TUBB8B: variants seen among roughly 807,000 people sequenced by gnomAD.
TUBB8B encodes the protein tubulin beta 8B.
TUBB8B carries 26 observed loss-of-function variants against 31.9 expected under a neutral mutation model. The ratio of observed to expected loss-of-function variants is 0.81; its 90% CI spans 0.60 to 1.13. The LOEUF is 1.13. Among genes scored for constraint, TUBB8B ranks in the 50% most tolerant of loss-of-function variants. The probability of loss-of-function intolerance (pLI) is 0.00; values close to 1 mark genes in which losing one functional copy is unlikely to be tolerated. For missense variants in TUBB8B, 467 were observed against 586.7 expected, an observed-to-expected ratio of 0.80 and a Z score of 2.11; for synonymous variants, 173 against 231.0, an observed-to-expected ratio of 0.75 and a Z score of 2.28.
the TUBB8B span, among the ~76,000 whole-genome samples, chr18:64,174 T>A: frequency 6.6e-6 from 1 of 151,906 alleles, no homozygotes; most frequent in Non-Finnish European, 1.5e-5. Context: ...ACCCCAACCC[T>A]AAATCAAACT....
the TUBB8B span, chr18:73,228 G>A: frequency 6.4e-6 from 1 of 155,656 alleles, no homozygotes; most frequent in Non-Finnish European, 1.5e-5. Flanking sequence ...ACAAAGTGAA[G>A]CCCAGGTACA....
At chr18:54,880 C>A in the TUBB8B span, among the ~76,000 whole-genome samples, 46 of 151,930 alleles carry the variant, frequency 3.0e-4, 1 homozygote, top group Non-Finnish European at 7.4e-5. Context: ...GAAATGATAT[C>A]TCATTTTGGG....
the TUBB8B span, among the ~76,000 whole-genome samples, chr18:59,772 G>A: frequency 6.6e-6 from 1 of 151,572 alleles, no homozygotes; most frequent in South Asian, 2.1e-4. Context: ...TTGAACTCCT[G>A]AACTCAGGAG....
chr18:56,880 A>T, the TUBB8B span, among the ~76,000 whole-genome samples: 1 of 151,890 alleles, frequency 6.6e-6, no homozygotes, highest in African/African-American at 2.4e-5. Context: ...AAGGTGAAAA[A>T]TAAATCTGGT....
Position 47,412 on chromosome 18 carries a change from T to C in TUBB8B, c.1313A>G (p.Tyr438Cys), listed in dbSNP as rs761646858. 3 of 1,162,562 alleles carry C rather than the reference T, an allele frequency of 2.6e-6. No homozygotes were observed. The highest frequency in any genetic ancestry group is 2.5e-5 in the South Asian group (2 of 80,916). The allele number at this position is 1,162,562 out of a possible 1,614,324, so 72.0% of individuals were successfully genotyped here. A position where few individuals can be genotyped will look rare whatever the true frequency, so the allele number is the denominator to read the frequency against. Reference sequence around the variant, plus strand: ...GTTCTAGGCCACCTCCTCCTCGGCATACTCCTCATCCTCCTCCTCCTCGGC... The same window carrying C: ...GTTCTAGGCCACCTCCTCCTCGGCACACTCCTCATCCTCCTCCTCCTCGGC... Reference protein sequence around the residue: ...ATAEEEEDEEYAEEEVA With the variant: ...ATAEEEEDEECAEEEVA The change falls in exon 4 of 4, where the codon TAT (tyrosine) becomes TGT (cysteine). Residue 438 changes from tyrosine (Y) to cysteine (C), a missense_variant. Physicochemically the swap from Tyr to Cys is radical, Grantham distance 194 (BLOSUM62 -2). Around this residue, in one of 2 missense-constraint regions of TUBB8B, gnomAD observed 208 missense variants for 206.7 expected, o/e 1.01. Transcript: ENST00000308911.
upstream of TUBB8B, among the ~76,000 whole-genome samples, chr18:52,705 T>A (rs12961740): frequency 3.9e-5 from 6 of 152,012 alleles, no homozygotes; most frequent in East Asian, 1.2e-3. Flanking sequence ...AGGGTCCTGA[T>A]ACAGACCACA....
chr18:51,117 T>A (rs968697681), upstream of TUBB8B, among the ~76,000 whole-genome samples: 3 of 151,602 alleles, frequency 2.0e-5, no homozygotes, highest in Non-Finnish European at 4.4e-5. Flanking sequence ...GCAAGGCTTG[T>A]GCCTTGATTA....
chr18:62,701 G>A, the TUBB8B span, among the ~76,000 whole-genome samples: 4 of 151,808 alleles, frequency 2.6e-5, 1 homozygote, highest in Non-Finnish European at 4.4e-5. Context: ...GATTACAGGC[G>A]TGAGCCACTG....
chr18:69,086 G>A, the TUBB8B span, among the ~76,000 whole-genome samples: 1 of 152,144 alleles, frequency 6.6e-6, no homozygotes, highest in South Asian at 2.1e-4. Context: ...TGTAGATCAA[G>A]GAAATAATAG....
At chr18:51,149 T>A (rs1229359437), upstream of TUBB8B, among the ~76,000 whole-genome samples, 1 of 151,870 alleles carries the variant, frequency 6.6e-6, no homozygotes, top group South Asian at 2.1e-4. Context: ...TAATAGCATA[T>A]CTAGCCCTCC....
At chr18:68,800 G>A in the TUBB8B span, among the ~76,000 whole-genome samples, 1 of 152,090 alleles carries the variant, frequency 6.6e-6, no homozygotes, top group Admixed American at 6.5e-5. Context: ...CCTGCATGCT[G>A]CCCTTTCCAA....
chr18:71,167 G>C, the TUBB8B span, among the ~76,000 whole-genome samples: 1 of 151,718 alleles, frequency 6.6e-6, no homozygotes, highest in African/African-American at 2.4e-5. Flanking sequence ...GGAGGTTGAG[G>C]CTGCAGTGAG....
the TUBB8B span, among the ~76,000 whole-genome samples, chr18:70,595 A>G: frequency 8.5e-5 from 13 of 152,226 alleles, no homozygotes; most frequent in Admixed American, 8.5e-4. Flanking sequence ...AGATCGCGCC[A>G]CTACACCCTA....
rs143836086 is a variant in TUBB8B, at chr18:48,014, G to T, written c.711C>A (p.Thr237=). 1.5e-5 allele frequency: 24 copies of T among 1,612,432 alleles called. No homozygotes were observed. The Admixed American group carries it at 2.8e-4, about 19-fold the overall frequency. ...GCTGGCCTGGGAAGCGCAGGCATGTGGTGACCCCACTCATGGTAGCAGACA... is the reference window on the plus strand; with the variant it reads ...GCTGGCCTGGGAAGCGCAGGCATGTTGTGACCCCACTCATGGTAGCAGACA... The part of the protein sequence containing the change: ...HLVSATMSGV[T]TCLRFPGQLN... The change falls in exon 4 of 4, where the codon ACC becomes ACA. Residue 237 remains threonine (T), a synonymous_variant. Transcript: ENST00000308911.
the TUBB8B span, among the ~76,000 whole-genome samples, chr18:69,447 G>C: frequency 6.6e-6 from 1 of 152,340 alleles, no homozygotes; most frequent in Admixed American, 6.5e-5. Context: ...AATCGGGCCA[G>C]ACCTTAGAAA....
At chr18:67,381 C>T in the TUBB8B span, among the ~76,000 whole-genome samples, 2 of 152,130 alleles carry the variant, frequency 1.3e-5, no homozygotes, top group African/African-American at 4.8e-5. Flanking sequence ...CTCACACTGT[C>T]ACCCAGGCTG....
chr18:62,125 C>CT, the TUBB8B span, among the ~76,000 whole-genome samples: 6 of 150,688 alleles, frequency 4.0e-5, no homozygotes, highest in South Asian at 6.3e-4. Context: ...AAAGTAAAGT[C>CT]TTTTTTTTTC....
chr18:52,421 C>T (rs1191104849), upstream of TUBB8B, among the ~76,000 whole-genome samples: 1 of 151,608 alleles, frequency 6.6e-6, no homozygotes, highest in African/African-American at 2.4e-5. Context: ...TCAATATTCC[C>T]CAGGGCCTCT....
the TUBB8B span, among the ~76,000 whole-genome samples, chr18:67,244 C>T: frequency 7.2e-5 from 11 of 152,348 alleles, no homozygotes; most frequent in Non-Finnish European, 1.0e-4. Context: ...GATCCACCCG[C>T]CTTGGCCTCC....
Sources: gnomAD v4.1 joint callset for allele counts (sites outside exome capture counted in the v4.1 genomes callset) on GRCh38, gnomAD v4.1.1 for gene constraint, gnomAD v4.1.1 regional missense constraint, MANE v1.5 for transcripts, NCBI Gene and HGNC (gene_info 2026-07-23, HGNC 2026-07-21) for gene names.